The following KCNMA1 variants were observed in gnomAD, a reference collection of about 807,000 sequenced individuals.
KCNMA1 encodes the protein Calcium-activated potassium channel subunit alpha-1.
KCNMA1 carries 29 observed loss-of-function variants against 140.0 expected under a neutral mutation model. That is an observed-to-expected ratio of 0.21 (90% CI 0.15 to 0.28). The LOEUF is 0.28. Among genes scored for constraint, KCNMA1 ranks in the 10% least tolerant of loss-of-function variants. The probability of loss-of-function intolerance (pLI) is 1.00; values close to 1 mark genes in which losing one functional copy is unlikely to be tolerated. For missense variants in KCNMA1, 880 were observed against 1,602.2 expected (o/e 0.55, Z 7.70); for synonymous variants, 612 against 611.9 (o/e 1.00, Z 0.00).
At chr10:77,620,537 G>A (rs990773785) in intron 1 of KCNMA1, among the ~76,000 whole-genome samples, 5 of 152,198 alleles carry the variant, frequency 3.3e-5, no homozygotes, top group African/African-American at 1.2e-4. Context: ...GCTTAGAACA[G>A]GCACAGAGGC....
intron 1 of KCNMA1, among the ~76,000 whole-genome samples, chr10:77,579,260 C>A (rs544191918): frequency 7.2e-5 from 11 of 152,306 alleles, no homozygotes; most frequent in Admixed American, 5.2e-4. Context: ...GGAAGGTTAT[C>A]AAAGCAGGAG....
chr10:77,200,922 C>A (rs1163113794), intron 3 of KCNMA1, among the ~76,000 whole-genome samples: 1 of 152,138 alleles, frequency 6.6e-6, no homozygotes, highest in Non-Finnish European at 1.5e-5. Flanking sequence ...TTAGTCATAC[C>A]GTCAAGCCAT....
At chr10:77,104,727 T>C (rs2097166500) in intron 9 of KCNMA1, among the ~76,000 whole-genome samples, 1 of 152,186 alleles carries the variant, frequency 6.6e-6, no homozygotes. Flanking sequence ...CTTGGCCATG[T>C]GACCTTGGAC....
chr10:77,240,577 G>A (rs2057016821), intron 3 of KCNMA1, among the ~76,000 whole-genome samples: 1 of 152,206 alleles, frequency 6.6e-6, no homozygotes, highest in Non-Finnish European at 1.5e-5. Flanking sequence ...GCCTGCAGAG[G>A]TGTTTTGCTT....
intron 25 of KCNMA1, among the ~76,000 whole-genome samples, chr10:76,893,475 T>C (rs1221098740): frequency 6.6e-6 from 1 of 152,160 alleles, no homozygotes; most frequent in Non-Finnish European, 1.5e-5. Flanking sequence ...ACACCTGTAA[T>C]CCCAGAACTT....
intron 2 of KCNMA1, among the ~76,000 whole-genome samples, chr10:77,256,942 A>T (rs1329011456): frequency 7.9e-5 from 12 of 152,126 alleles, no homozygotes. Context: ...TATCTCTACA[A>T]AAAAAACTTT....
chr10:76,909,275 C>G (rs1231182551), intron 25 of KCNMA1, among the ~76,000 whole-genome samples: 1 of 152,188 alleles, frequency 6.6e-6, no homozygotes. Flanking sequence ...CTCCCTCGAT[C>G]CCAACACCAG....
chr10:77,582,020 AC>A, intron 1 of KCNMA1, among the ~76,000 whole-genome samples: 1 of 152,332 alleles, frequency 6.6e-6, no homozygotes, highest in Admixed American at 6.5e-5. Flanking sequence ...CAGGAGACAT[AC>A]CCTCAGGGTG....
intron 2 of KCNMA1, among the ~76,000 whole-genome samples, chr10:77,327,696 G>A (rs2084733428): frequency 6.6e-6 from 1 of 152,056 alleles, no homozygotes; most frequent in Admixed American, 6.6e-5. Flanking sequence ...CCTCCTATAA[G>A]GTGAGAAACC....
intron 2 of KCNMA1, among the ~76,000 whole-genome samples, chr10:77,387,426 G>A (rs2095642145): frequency 1.3e-5 from 2 of 151,802 alleles, no homozygotes; most frequent in African/African-American, 2.4e-5. Flanking sequence ...TAAACTTTAG[G>A]GAATGTGACC....
At chr10:77,530,241 T>C (rs75124758) in intron 1 of KCNMA1, among the ~76,000 whole-genome samples, 1,827 of 152,292 alleles carry the variant, frequency 0.012, 41 homozygotes, top group African/African-American at 0.042. Context: ...ATGATGCTAT[T>C]GACCAGGATA....
chr10:77,199,531 T>A (rs2041787651), intron 3 of KCNMA1, among the ~76,000 whole-genome samples: 1 of 152,096 alleles, frequency 6.6e-6, no homozygotes, highest in Non-Finnish European at 1.5e-5. Context: ...AATAAATGAG[T>A]TAGTAAACGT....
intron 2 of KCNMA1, among the ~76,000 whole-genome samples, chr10:77,320,740 GA>G (rs2082114797): frequency 6.6e-6 from 1 of 152,308 alleles, no homozygotes; most frequent in African/African-American, 2.4e-5. Context: ...AGGAGTTACA[GA>G]AAAAAACCCA....
chr10:77,109,441 A>C (rs2097267675), intron 8 of KCNMA1, among the ~76,000 whole-genome samples: 1 of 152,224 alleles, frequency 6.6e-6, no homozygotes. Flanking sequence ...GCTACTTTGA[A>C]AGACAAAATG....
At chr10:77,173,507 C>CAT (rs922484614) in intron 5 of KCNMA1, among the ~76,000 whole-genome samples, 3 of 152,122 alleles carry the variant, frequency 2.0e-5, no homozygotes, top group Non-Finnish European at 2.9e-5. Context: ...CACATACATA[C>CAT]ATATATATAC....
chr10:77,255,508 G>A (rs553502551), intron 2 of KCNMA1, among the ~76,000 whole-genome samples: 4 of 152,188 alleles, frequency 2.6e-5, no homozygotes, highest in Non-Finnish European at 4.4e-5. Context: ...GTTGAAACAG[G>A]AGAATCACTT....
chr10:77,250,879 A>C, intron 3 of KCNMA1: 1 of 337,632 alleles, frequency 3.0e-6, no homozygotes, highest in South Asian at 3.1e-5. Flanking sequence ...AATTCCCATC[A>C]AGTCATCTTA....
intron 23 of KCNMA1, among the ~76,000 whole-genome samples, chr10:76,938,192 G>A (rs2061069676): frequency 6.6e-6 from 1 of 152,114 alleles, no homozygotes; most frequent in Admixed American, 6.5e-5. Flanking sequence ...GGGCCAGATT[G>A]CTAGAAGCAA....
intron 20 of KCNMA1, among the ~76,000 whole-genome samples, chr10:76,954,304 C>T (rs754501464): frequency 6.6e-6 from 1 of 152,030 alleles, no homozygotes; most frequent in Non-Finnish European, 1.5e-5. Context: ...TACACACACA[C>T]AGACAGACAC....
Sources: gnomAD v4.1 joint callset for allele counts (sites outside exome capture counted in the v4.1 genomes callset) on GRCh38, gnomAD v4.1.1 for gene constraint, MANE v1.5 for transcripts, NCBI Gene and HGNC (gene_info 2026-07-23, HGNC 2026-07-21) for gene names.